Variants in SLC4A10 observed in about 807,000 individuals in gnomAD.
The protein encoded by SLC4A10 is sodium-driven chloride bicarbonate exchanger.
In SLC4A10, 42 loss-of-function variants were observed where a neutral mutation model predicts 137.7. The ratio of observed to expected loss-of-function variants is 0.30; its 90% CI spans 0.24 to 0.39. The LOEUF (loss-of-function observed/expected upper bound fraction) is 0.39. SLC4A10 is among the 10% of genes least tolerant of loss of function. SLC4A10 has a pLI of 1.00. For synonymous variants in SLC4A10, 474 were observed against 464.1 expected, an observed-to-expected ratio of 1.02 and a Z score of -0.27; for missense variants, 925 against 1,355.0, an observed-to-expected ratio of 0.68 and a Z score of 4.98.
chr2:161,776,644 G>A (rs2125448765), intron 2 of SLC4A10, among the ~76,000 whole-genome samples: 1 of 151,952 alleles, frequency 6.6e-6, no homozygotes, highest in South Asian at 2.1e-4. Context: ...GAATAGTGTG[G>A]TTGTGAACAT....
At chr2:161,718,193 T>C (rs1434154773) in intron 1 of SLC4A10, among the ~76,000 whole-genome samples, 1 of 152,180 alleles carries the variant, frequency 6.6e-6, no homozygotes, top group African/African-American at 2.4e-5. Context: ...TTTTCTTCTT[T>C]ATTAGTCTAG....
intron 1 of SLC4A10, among the ~76,000 whole-genome samples, chr2:161,653,493 T>C (rs2037096094): frequency 1.3e-5 from 2 of 152,210 alleles, no homozygotes; most frequent in Non-Finnish European, 2.9e-5. Context: ...TTTTTCCACA[T>C]CCTCTCCAGC....
rs561719423 is a variant in SLC4A10 at position 161,835,020 on chromosome 2, A to G, written c.278-4769A>G. Among the ~76,000 whole-genome samples the G allele has an allele frequency of 2.8e-5, 4 of 143,962 alleles. No homozygotes were observed. The South Asian group carries it at 8.9e-4, about 32-fold the overall frequency. 94.4% of individuals were successfully genotyped at this position (143,962 alleles called of 152,430 possible). A position where few individuals can be genotyped will look rare whatever the true frequency, so the allele number is the denominator to read the frequency against. On this transcript the variant is annotated intron_variant, in intron 3 of 26. Transcript: ENST00000446997. ...ATGTTCTTTCTAGGACCATTGTGTG[A>G]ACCCTTAAGACTATATGTCTTTTTT...
At chr2:161,877,970 A>C (rs916248470) in intron 8 of SLC4A10, among the ~76,000 whole-genome samples, 2 of 152,134 alleles carry the variant, frequency 1.3e-5, no homozygotes, top group Non-Finnish European at 2.9e-5. Flanking sequence ...TTAGTTACAA[A>C]ACTTACAAAT....
rs1694347562 is a variant in SLC4A10 at position 161,949,151 on chromosome 2, C to T, written c.2269C>T (p.Arg757Ter). The change falls in exon 18 of 27, where the codon CGA becomes TGA. Residue 757 changes from arginine to a stop codon, truncating the protein, a stop_gained. Transcript: ENST00000446997. LOFTEE classifies it high-confidence loss of function. ...KTSRYFPTKVRSIVSDFAVFL... is the reference protein window; with the variant it reads ...KTSRYFPTKV The stretch of plus-strand genomic sequence containing the variant: ...CAAGTGTTTTCATTATTTTTAGGTT[C>T]GATCCATAGTGAGTGACTTTGCTGT... The T allele has an allele frequency of 2.5e-6, 4 of 1,602,062 alleles. No homozygotes were observed. Among genetic ancestry groups the T allele is most frequent in the Non-Finnish European group, 2.6e-6 (3 of 1,173,086 alleles).
chr2:161,766,802 T>C (rs1387515142), intron 1 of SLC4A10, among the ~76,000 whole-genome samples: 1 of 151,766 alleles, frequency 6.6e-6, no homozygotes, highest in African/African-American at 2.4e-5. Flanking sequence ...AGCAAAGCAA[T>C]GGCTGTGAAT....
rs185311039 is a variant in SLC4A10, at chr2:161,662,401, T to A, written c.48+37835T>A. ...TCTAAGGAGATGCAGGATTTTTTTT[T>A]AAAAACTGTCTTCCAGTAATCTCTG... On this transcript the variant is annotated intron_variant, in intron 1 of 26. Coordinates refer to ENST00000446997, the MANE Select transcript of SLC4A10 (RefSeq NM_001178015.2). Among the ~76,000 whole-genome samples the A allele has an allele frequency of 9.4e-4, 143 of 152,230 alleles. 2 individuals are homozygous for A. Among genetic ancestry groups the A allele is most frequent in the Admixed American group, 1.6e-3 (25 of 15,284 alleles).
chr2:161,761,049 G>A (rs2050206817), intron 1 of SLC4A10, among the ~76,000 whole-genome samples: 1 of 151,906 alleles, frequency 6.6e-6, no homozygotes, highest in South Asian at 2.1e-4. Flanking sequence ...CCTACTACAT[G>A]CCAGGCAAAT....
intron 2 of SLC4A10, among the ~76,000 whole-genome samples, chr2:161,778,634 T>C (rs1030081716): frequency 2.0e-5 from 3 of 151,962 alleles, no homozygotes; most frequent in South Asian, 4.1e-4. Flanking sequence ...TACAGAAGTT[T>C]CTAATGACAT....
At chr2:161,681,116 A>G (rs1043801993) in intron 1 of SLC4A10, among the ~76,000 whole-genome samples, 2 of 152,134 alleles carry the variant, frequency 1.3e-5, no homozygotes, top group African/African-American at 4.8e-5. Flanking sequence ...AGTTGATACC[A>G]CTTACTTCAA....
At chr2:161,878,172 A>C (rs935118316) in intron 8 of SLC4A10, among the ~76,000 whole-genome samples, 2 of 152,122 alleles carry the variant, frequency 1.3e-5, no homozygotes, top group Non-Finnish European at 2.9e-5. Flanking sequence ...TCTCTCGGCT[A>C]TTCTCACTTT....
At chr2:161,915,181 A>G (rs1276017117) in intron 15 of SLC4A10, among the ~76,000 whole-genome samples, 1 of 152,060 alleles carries the variant, frequency 6.6e-6, no homozygotes, top group African/African-American at 2.4e-5. Flanking sequence ...CATTGGAAAG[A>G]GGCAACTTGA....
chr2:161,799,196 T>A (rs561087316), intron 2 of SLC4A10, among the ~76,000 whole-genome samples: 1 of 151,918 alleles, frequency 6.6e-6, no homozygotes, highest in African/African-American at 2.4e-5. Flanking sequence ...TTGAAAGGAC[T>A]CGCTCCTTTA....
At chr2:161,937,209 T>G (rs1043577301) in intron 15 of SLC4A10, among the ~76,000 whole-genome samples, 1 of 152,216 alleles carries the variant, frequency 6.6e-6, no homozygotes. Context: ...AGATACTCAA[T>G]ATGGTTTAAA....
chr2:161,673,882 C>T (rs1229730925), intron 1 of SLC4A10, among the ~76,000 whole-genome samples: 2 of 152,140 alleles, frequency 1.3e-5, no homozygotes, highest in Admixed American at 1.3e-4. Context: ...CTCAGCTATT[C>T]TGAAGGCTGA....
intron 15 of SLC4A10, among the ~76,000 whole-genome samples, chr2:161,926,070 G>A (rs1388607965): frequency 5.3e-5 from 8 of 151,858 alleles, no homozygotes; most frequent in Admixed American, 1.3e-4. Context: ...TATTAGGTCC[G>A]CTTGGTGCAG....
intron 1 of SLC4A10, among the ~76,000 whole-genome samples, chr2:161,679,208 G>A (rs1559012224): frequency 6.6e-6 from 1 of 152,062 alleles, no homozygotes; most frequent in African/African-American, 2.4e-5. Context: ...TTGTACTCTA[G>A]GTTGTTTTTC....
At chr2:161,915,853 C>A (rs535119439) in intron 15 of SLC4A10, among the ~76,000 whole-genome samples, 3 of 152,270 alleles carry the variant, frequency 2.0e-5, no homozygotes, top group Non-Finnish European at 4.4e-5. Flanking sequence ...CTAATCTAAT[C>A]TTTTTGGTGT....
intron 15 of SLC4A10, among the ~76,000 whole-genome samples, chr2:161,911,973 C>A (rs2105412030): frequency 6.6e-6 from 1 of 152,154 alleles, no homozygotes; most frequent in East Asian, 1.9e-4. Context: ...GTTTTCTGTT[C>A]CTGCTTTTAA....
Sources: allele counts gnomAD v4.1 joint callset (sites outside exome capture counted in the v4.1 genomes callset), GRCh38; gene constraint gnomAD v4.1.1; transcripts MANE v1.5; gene names NCBI Gene and HGNC (gene_info 2026-07-23, HGNC 2026-07-21).